The following ULK4 variants were observed in gnomAD, a reference collection of about 807,000 sequenced individuals.
The protein encoded by ULK4 is unc-51 like kinase 4, also known as inactive serine/threonine-protein kinase ULK4.
In ULK4, 133 loss-of-function variants were observed where a neutral mutation model predicts 160.6. The ratio of observed to expected loss-of-function variants is 0.83; its 90% CI spans 0.72 to 0.96. ULK4 has a LOEUF of 0.96. ULK4 is among the 40% of genes least tolerant of loss of function. ULK4 has a pLI of 0.00. For synonymous variants in ULK4, 534 were observed against 539.8 expected (o/e 0.99, Z 0.15); for missense variants, 1,580 against 1,499.5 (o/e 1.05, Z -0.89).
intron 25 of ULK4, among the ~76,000 whole-genome samples, chr3:41,706,849 A>ATATGTGTGTGTG (rs1338692017): frequency 9.8e-6 from 1 of 102,368 alleles, no homozygotes; most frequent in African/African-American, 5.1e-5. Context: ...AAAAAAAAAT[A>ATATGTGTGTGTG]TGTGTGTGTG....
chr3:41,738,078 AG>A (rs2038116280), intron 22 of ULK4, among the ~76,000 whole-genome samples: 1 of 151,930 alleles, frequency 6.6e-6, no homozygotes, highest in South Asian at 2.1e-4. Flanking sequence ...TAAAATATGT[AG>A]GGGTGATAAT....
At chr3:41,953,308 T>TC (rs1700364384) in intron 2 of ULK4, among the ~76,000 whole-genome samples, 1 of 96,918 alleles carries the variant, frequency 1.0e-5, no homozygotes. Context: ...ATATATATTT[T>TC]TTTTTTTTTT....
chr3:41,731,882 G>C (rs1233524082), intron 22 of ULK4, among the ~76,000 whole-genome samples: 1 of 152,072 alleles, frequency 6.6e-6, no homozygotes, highest in African/African-American at 2.4e-5. Flanking sequence ...CACTTGGGGA[G>C]ATGGCAATCT....
At chr3:41,922,884 G>A (rs1414417344) in intron 5 of ULK4, among the ~76,000 whole-genome samples, 2 of 152,170 alleles carry the variant, frequency 1.3e-5, no homozygotes, top group Non-Finnish European at 2.9e-5. Flanking sequence ...AAGAATCCCT[G>A]AACCAGGCCA....
chr3:41,246,831 G>A lies in ULK4; in HGVS notation c.*98C>T, dbSNP rs2078652172. On this transcript the variant is annotated 3_prime_UTR_variant, in exon 37 of 37. Transcript: ENST00000301831. ...GCTGACTTTATTAGGTCCAAAGACAGCTGTGAGGGGATGTGGCAAAGGTGT... is the reference window on the plus strand; with the variant it reads ...GCTGACTTTATTAGGTCCAAAGACAACTGTGAGGGGATGTGGCAAAGGTGT... The A allele has an allele frequency of 1.4e-6, 2 of 1,418,686 alleles. No individual in the cohort carries two copies. Among genetic ancestry groups the A allele is most frequent in the Non-Finnish European group, 1.9e-6 (2 of 1,027,946 alleles). 87.9% of individuals were successfully genotyped at this position (1,418,686 alleles called of 1,614,324 possible). A position where few individuals can be genotyped will look rare whatever the true frequency, so the allele number is the denominator to read the frequency against.
intron 18 of ULK4, among the ~76,000 whole-genome samples, chr3:41,831,531 A>ATATATATATATATATATATTTTTTT: frequency 4.3e-5 from 6 of 138,116 alleles, no homozygotes; most frequent in East Asian, 4.2e-4. Context: ...ATATATATAT[A>ATATATATATATATATATATTTTTTT]TTTTTTTTTC....
intron 31 of ULK4, among the ~76,000 whole-genome samples, chr3:41,595,142 C>A (rs2031607439): frequency 6.6e-6 from 1 of 152,176 alleles, no homozygotes; most frequent in Non-Finnish European, 1.5e-5. Context: ...AGATGACACA[C>A]TCAAAAGGGT....
At chr3:41,470,024 A>AC (rs1232894173) in intron 32 of ULK4, among the ~76,000 whole-genome samples, 2 of 139,570 alleles carry the variant, frequency 1.4e-5, no homozygotes, top group Non-Finnish European at 3.2e-5. Context: ...AACAGAAAAA[A>AC]AAAAAAAAAA....
At chr3:41,515,734 C>T (rs2085728506) in intron 32 of ULK4, among the ~76,000 whole-genome samples, 1 of 152,128 alleles carries the variant, frequency 6.6e-6, no homozygotes, top group Non-Finnish European at 1.5e-5. Flanking sequence ...GGAAAGTGCC[C>T]CCATGATCCA....
At chr3:41,804,655 T>C (rs534005935) in intron 19 of ULK4, among the ~76,000 whole-genome samples, 1 of 152,274 alleles carries the variant, frequency 6.6e-6, no homozygotes, top group African/African-American at 2.4e-5. Context: ...GAATTAATTT[T>C]TGTGTAAGGT....
intron 21 of ULK4, among the ~76,000 whole-genome samples, chr3:41,756,495 C>G (rs999574749): frequency 6.6e-6 from 1 of 152,126 alleles, no homozygotes; most frequent in African/African-American, 2.4e-5. Context: ...ATCAACTCCA[C>G]TGAATACCCT....
intron 32 of ULK4, among the ~76,000 whole-genome samples, chr3:41,467,141 C>T (rs573965453): frequency 6.6e-6 from 1 of 152,188 alleles, no homozygotes; most frequent in South Asian, 2.1e-4. Context: ...ATACATTTAC[C>T]ATATTATCCA....
intron 17 of ULK4, 28 bp from the exon 18 acceptor site, chr3:41,835,999 ATTATTTC>A (rs1181136993): frequency 1.5e-6 from 2 of 1,364,138 alleles, no homozygotes; most frequent in South Asian, 1.2e-5. Flanking sequence ...AAAAAAGTAA[ATTATTTC>A]AAATGTATCT....
intron 17 of ULK4, among the ~76,000 whole-genome samples, chr3:41,874,714 G>A (rs1405451583): frequency 1.3e-5 from 2 of 152,192 alleles, no homozygotes; most frequent in African/African-American, 4.8e-5. Flanking sequence ...ACAAGTGAAG[G>A]AGGGGAGAGG....
chr3:41,512,912 C>A (rs1318225656), intron 32 of ULK4, among the ~76,000 whole-genome samples: 1 of 152,100 alleles, frequency 6.6e-6, no homozygotes, highest in Non-Finnish European at 1.5e-5. Context: ...CAGCATGGTA[C>A]TAGTATAAAA....
intron 30 of ULK4, among the ~76,000 whole-genome samples, chr3:41,643,316 T>C (rs1198638466): frequency 2.0e-5 from 3 of 152,226 alleles, no homozygotes. Context: ...ACGGTTTTTA[T>C]GGTTTTAGGT....
chr3:41,262,701 T>C (rs1346302837), intron 35 of ULK4, among the ~76,000 whole-genome samples: 1 of 152,218 alleles, frequency 6.6e-6, no homozygotes, highest in East Asian at 1.9e-4. Flanking sequence ...TATCCATAGC[T>C]ACCTCCTTTC....
intron 35 of ULK4, among the ~76,000 whole-genome samples, chr3:41,391,908 A>G (rs952936663): frequency 1.3e-5 from 2 of 152,122 alleles, no homozygotes; most frequent in African/African-American, 4.8e-5. Context: ...ACGGGTGAGA[A>G]GGTGACAGGG....
chr3:41,489,630 C>G (rs1208559793), intron 32 of ULK4, among the ~76,000 whole-genome samples: 1 of 152,154 alleles, frequency 6.6e-6, no homozygotes, highest in Non-Finnish European at 1.5e-5. Context: ...TGTCCAGGCA[C>G]TATCTGCAAA....
Sources: gnomAD v4.1 joint callset for allele counts (sites outside exome capture counted in the v4.1 genomes callset) on GRCh38, gnomAD v4.1.1 for gene constraint, MANE v1.5 for transcripts, NCBI Gene and HGNC (gene_info 2026-07-23, HGNC 2026-07-21) for gene names.